The following REEP1 variants were observed in gnomAD, a reference collection of about 807,000 sequenced individuals.
The protein encoded by REEP1 is receptor expression-enhancing protein 1.
Under a neutral mutation model 40.3 loss-of-function variants are expected in REEP1, and 22 were observed. That is an observed-to-expected ratio of 0.55 (90% CI 0.39 to 0.78). The LOEUF (loss-of-function observed/expected upper bound fraction) is 0.78, where lower values mean the gene tolerates loss of function less well. Among genes scored for constraint, REEP1 ranks in the 30% least tolerant of loss-of-function variants. REEP1 has a pLI of 0.00. For missense variants in REEP1, 280 were observed against 361.1 expected (o/e 0.78, Z 1.82); for synonymous variants, 116 against 139.2 (o/e 0.83, Z 1.17).
At chr2:86,327,955 AC>A (rs1680594136) in intron 1 of REEP1, among the ~76,000 whole-genome samples, 1 of 152,140 alleles carries the variant, frequency 6.6e-6, no homozygotes, top group South Asian at 2.1e-4. Flanking sequence ...CAGGAGAGCA[AC>A]AGTATTTGGT....
At chr2:86,303,857 CAGCT>C in intron 1 of REEP1, among the ~76,000 whole-genome samples, 1 of 152,202 alleles carries the variant, frequency 6.6e-6, no homozygotes, top group Non-Finnish European at 1.5e-5. Flanking sequence ...TGGCTCAGTG[CAGCT>C]GGGTCAGGCA....
At chr2:86,335,800 G>C (rs1680995007) in intron 1 of REEP1, among the ~76,000 whole-genome samples, 1 of 144,998 alleles carries the variant, frequency 6.9e-6, no homozygotes, top group African/African-American at 2.6e-5. Flanking sequence ...AGTGAGCCGA[G>C]ACTGTGCCAC....
At chr2:86,217,666 A>ATTTTTTTTTTTTTT (rs10668934) in intron 8 of REEP1, among the ~76,000 whole-genome samples, 15 of 112,894 alleles carry the variant, frequency 1.3e-4, no homozygotes, top group African/African-American at 4.0e-4. Context: ...GGGATTTCAG[A>ATTTTTTTTTTTTTT]TTTTTTTTTT....
rs1480421270 is a variant in REEP1 at position 86,217,019 on chromosome 2, G to C, written c.*20C>G. The C allele has an allele frequency of 6.2e-7, 1 of 1,604,258 alleles. No homozygotes were observed. Among genetic ancestry groups the C allele is most frequent in the Non-Finnish European group, 8.5e-7 (1 of 1,171,034 alleles). ...AGAGAAGAAACATTCTGTGGATCCG[G>C]TGCTGTTGGCTCATCTCACTCACGT... On this transcript the variant is annotated 3_prime_UTR_variant, in exon 9 of 9. Transcript: ENST00000538924.
chr2:86,258,100 A>G (rs1676669908), intron 3 of REEP1, among the ~76,000 whole-genome samples: 1 of 152,142 alleles, frequency 6.6e-6, no homozygotes, highest in African/African-American at 2.4e-5. Flanking sequence ...TTCCTGAGGC[A>G]CTCTGGCTCC....
Position 86,337,572 on chromosome 2 carries a change from G to A in REEP1, c.-62C>T, listed in dbSNP as rs1205177048. 1.7e-6 allele frequency: 2 copies of A among 1,192,170 alleles called. No homozygotes were observed. Among genetic ancestry groups the A allele is most frequent in the Non-Finnish European group, 2.1e-6 (2 of 964,058 alleles). 73.8% of individuals were successfully genotyped at this position (1,192,170 alleles called of 1,614,324 possible). A position where few individuals can be genotyped will look rare whatever the true frequency, so the allele number is the denominator to read the frequency against. ...GCTCGGCTAGGCTGCGGGCGGCGCG[G>A]GCTGCTGCGGCGTTCCCGGAACGTC... On this transcript the variant is annotated 5_prime_UTR_variant, in exon 1 of 9. Coordinates refer to ENST00000538924, the MANE Select transcript of REEP1 (RefSeq NM_001371279.1). This position sits in a 1 kb window ranked among gnomAD's most constrained non-coding sequence, Gnocchi z 5.8.
intron 1 of REEP1, among the ~76,000 whole-genome samples, chr2:86,291,233 G>A (rs556215943): frequency 3.1e-4 from 47 of 152,248 alleles, no homozygotes; most frequent in African/African-American, 1.1e-3. Context: ...GAATGAATGA[G>A]GAGTAGGAGA....
At chr2:86,336,152 G>C (rs1443308427) in intron 1 of REEP1, among the ~76,000 whole-genome samples, 1 of 152,176 alleles carries the variant, frequency 6.6e-6, no homozygotes, top group Non-Finnish European at 1.5e-5. Context: ...CCACTTTCCT[G>C]TATTATTCAT....
At chr2:86,306,567 A>G (rs759331962) in intron 1 of REEP1, among the ~76,000 whole-genome samples, 1 of 152,224 alleles carries the variant, frequency 6.6e-6, no homozygotes, top group Non-Finnish European at 1.5e-5. Context: ...AATAAGCAAC[A>G]TTTTTCCAGA....
chr2:86,278,648 C>T lies in REEP1; in HGVS notation c.105+3522G>A, dbSNP rs17027113. 8.9e-3 allele frequency among the ~76,000 whole-genome samples: 1,354 copies of T among 152,282 alleles called. 25 individuals carry two copies. Among genetic ancestry groups the T allele is most frequent in the African/African-American group, 0.031 (1,308 of 41,548 alleles). On this transcript the variant is annotated intron_variant, in intron 2 of 8. Coordinates refer to ENST00000538924, the MANE Select transcript of REEP1 (RefSeq NM_001371279.1). ...GGGAGACATCTCCCAACATGAGCAT[C>T]TTTGTGGGAGGAAAGTCCTGTTATT...
intron 2 of REEP1, among the ~76,000 whole-genome samples, chr2:86,273,827 T>C (rs1677596977): frequency 6.6e-6 from 1 of 152,226 alleles, no homozygotes; most frequent in South Asian, 2.1e-4. Context: ...TTTATCACAC[T>C]GCTTTGAAAG....
At chr2:86,293,376 A>T (rs1434045081) in intron 1 of REEP1, among the ~76,000 whole-genome samples, 1 of 152,226 alleles carries the variant, frequency 6.6e-6, no homozygotes, top group Non-Finnish European at 1.5e-5. Context: ...ACAAATGATG[A>T]TGGGCAAAAC....
upstream of REEP1, chr2:86,337,793 C>G (rs1021324902): frequency 2.4e-6 from 2 of 828,950 alleles, no homozygotes; most frequent in African/African-American, 3.6e-5. This position sits in a 1 kb window ranked among gnomAD's most constrained non-coding sequence, Gnocchi z 5.8. Context: ...TCGCCCTGGC[C>G]CCCGGCTGAA....
intron 7 of REEP1, among the ~76,000 whole-genome samples, chr2:86,222,361 T>C (rs1334753210): frequency 6.6e-6 from 1 of 152,120 alleles, no homozygotes; most frequent in African/African-American, 2.4e-5. Flanking sequence ...AAGAGGCCAG[T>C]GTGGGCAGTG....
At chr2:86,327,618 A>T (rs1431374771) in intron 1 of REEP1, among the ~76,000 whole-genome samples, 1 of 145,950 alleles carries the variant, frequency 6.9e-6, no homozygotes, top group African/African-American at 2.6e-5. Context: ...CCCAGGCTGG[A>T]GTACAGTGGC....
Position 86,337,475 on chromosome 2 carries a change from T to C in REEP1, c.32+4A>G. 1.6e-6 allele frequency: 2 copies of C among 1,287,856 alleles called. No homozygotes were observed. Among genetic ancestry groups the C allele is most frequent in the East Asian group, 6.7e-5 (2 of 29,802 alleles). The allele number at this position is 1,287,856 out of a possible 1,614,324, so 79.8% of individuals were successfully genotyped here. A position where few individuals can be genotyped will look rare whatever the true frequency, so the allele number is the denominator to read the frequency against. Reference sequence around the variant, plus strand: ...GGAGGGGCGCGGGGGAGAAGGCCACTTACACCACCAGCCTGGAGATGATCC... The same window carrying C: ...GGAGGGGCGCGGGGGAGAAGGCCACCTACACCACCAGCCTGGAGATGATCC... On this transcript the variant is annotated splice_donor_region_variant and intron_variant, in intron 1 of 8. Coordinates refer to ENST00000538924, the MANE Select transcript of REEP1 (RefSeq NM_001371279.1). The surrounding 1 kb of genome is among the most constrained non-coding windows in gnomAD (Gnocchi z 5.8).
intron 3 of REEP1, among the ~76,000 whole-genome samples, chr2:86,255,349 C>G (rs1429215611): frequency 6.6e-6 from 1 of 152,182 alleles, no homozygotes; most frequent in Non-Finnish European, 1.5e-5. Flanking sequence ...GGGACAAGAG[C>G]CCAGCTCTTG....
At chr2:86,316,265 G>A (rs1397984742) in intron 1 of REEP1, among the ~76,000 whole-genome samples, 3 of 152,166 alleles carry the variant, frequency 2.0e-5, no homozygotes, top group Non-Finnish European at 2.9e-5. Context: ...GGGGCCAGGT[G>A]CGGTGGTTCA....
intron 1 of REEP1, among the ~76,000 whole-genome samples, chr2:86,320,887 C>T (rs1178549552): frequency 2.0e-5 from 3 of 152,166 alleles, no homozygotes; most frequent in African/African-American, 7.2e-5. Context: ...GGCACGATCT[C>T]GGCTCACGGC....
Sources: allele counts gnomAD v4.1 joint callset (sites outside exome capture counted in the v4.1 genomes callset), GRCh38; gene constraint gnomAD v4.1.1; non-coding constraint Gnocchi (gnomAD v3.1); transcripts MANE v1.5; gene names NCBI Gene and HGNC (gene_info 2026-07-23, HGNC 2026-07-21).